Variants in TCTN1 observed in about 807,000 individuals in gnomAD.
The protein encoded by TCTN1 is tectonic family member 1.
TCTN1 carries 58 observed loss-of-function variants against 65.8 expected under a neutral mutation model. That is an observed-to-expected ratio of 0.88 (90% confidence interval 0.71 to 1.10). TCTN1 has a LOEUF of 1.10. Among genes scored for constraint, TCTN1 ranks in the 50% least tolerant of loss-of-function variants. The pLI is 0.00. For missense variants in TCTN1, 645 were observed against 719.4 expected (o/e 0.90, Z 1.18); for synonymous variants, 273 against 289.1 (o/e 0.94, Z 0.57).
At chr12:110,648,884 G>A in intron 14 of TCTN1, 159 bp from the exon 15 acceptor site, 1 of 389,066 alleles carries the variant, frequency 2.6e-6, no homozygotes, top group South Asian at 1.9e-5. Context: ...AAACAATGGA[G>A]CCACCTAGAA....
In TCTN1 at chr12:110,631,407, G is replaced by A. The variant is rs190106253; in HGVS notation, c.625-1065G>A. The stretch of plus-strand genomic sequence containing the variant: ...CCAGCACTTTGGGAGGCCGAGGCGG[G>A]CAAATCACTTGAGGTCAGGAGTTCC... On this transcript the variant is annotated intron_variant, in intron 4 of 14. Transcript: ENST00000397659. Among the ~76,000 whole-genome samples, 4 of 151,960 alleles carry A rather than the reference G, an allele frequency of 2.6e-5. No homozygotes were observed. In the East Asian group the frequency reaches 7.9e-4, roughly 30 times the overall value.
intron 1 of TCTN1, among the ~76,000 whole-genome samples, chr12:110,615,929 C>A (rs760981838): frequency 6.6e-6 from 1 of 152,076 alleles, no homozygotes; most frequent in Non-Finnish European, 1.5e-5. Flanking sequence ...TTCTGAATTA[C>A]GAGTAATCTG....
At chr12:110,641,674 G>A (rs1358616521) in intron 10 of TCTN1, 47 bp downstream of exon 10, 1 of 1,557,148 alleles carries the variant, frequency 6.4e-7, no homozygotes, top group Non-Finnish European at 8.9e-7. Flanking sequence ...CTCTCTCCAT[G>A]TGCGTGGGCT....
At chr12:110,635,503 C>T (rs1029107666) in intron 6 of TCTN1, among the ~76,000 whole-genome samples, 1 of 152,146 alleles carries the variant, frequency 6.6e-6, no homozygotes, top group South Asian at 2.1e-4. Flanking sequence ...CACCTGTGGT[C>T]CCAGCTACTC....
intron 10 of TCTN1, chr12:110,641,927 C>G (rs1158522766): frequency 1.9e-6 from 1 of 540,104 alleles, no homozygotes; most frequent in Non-Finnish European, 3.3e-6. Flanking sequence ...CAGTGTTTTA[C>G]AACGAAAATC....
At chr12:110,618,265 G>A (rs982345834) in intron 1 of TCTN1, among the ~76,000 whole-genome samples, 2 of 151,612 alleles carry the variant, frequency 1.3e-5, no homozygotes, top group African/African-American at 4.8e-5. Flanking sequence ...TTTTGAGATG[G>A]AGTCTCGCTC....
At position 110,629,305 on chromosome 12, in the gene TCTN1, G is replaced by A. The variant is rs139163173; in HGVS notation, c.624+387G>A. On this transcript the variant is annotated intron_variant, in intron 4 of 14. Transcript: ENST00000397659. ...AAAAGAAACTATCATCAGAGTGAACGTGTGACCTACAGAATGGGAAAAAAT... is the reference window on the plus strand; with the variant it reads ...AAAAGAAACTATCATCAGAGTGAACATGTGACCTACAGAATGGGAAAAAAT... 8.6e-3 allele frequency: 2,152 copies of A among 250,544 alleles called. 120 individuals carry two copies. The Admixed American group carries it at 0.091, about 11-fold the overall frequency. The allele number at this position is 250,544 out of a possible 1,614,324, so 15.5% of individuals were successfully genotyped here.
At chr12:110,622,376 A>G (rs924360975) in intron 2 of TCTN1, among the ~76,000 whole-genome samples, 3 of 152,128 alleles carry the variant, frequency 2.0e-5, no homozygotes, top group African/African-American at 4.8e-5. Flanking sequence ...CACCAGGGAC[A>G]TAAAGATGAG....
Position 110,642,344 on chromosome 12 carries a change from C to T in TCTN1, c.1286C>T (p.Thr429Ile). The T allele has an allele frequency of 6.2e-7, 1 of 1,614,168 alleles. No individual in the cohort carries two copies. The highest frequency in any genetic ancestry group is 8.5e-7 in the Non-Finnish European group (1 of 1,180,030). ...TGCTTAGCACTGGAGGGGGTCCGGA[C>T]CCCAGTATTATTTGGTTACACTATG... is the stretch of plus-strand genomic sequence containing the variant. ...QDCLALEGVR[T>I]PVLFGYTMQS... Residue 429 changes from threonine (T) to isoleucine (I), a missense_variant, in exon 11 of 15, where the codon ACC becomes ATC. Physicochemically the swap from Thr to Ile is moderately conservative, Grantham distance 89 (BLOSUM62 -1). Coordinates refer to ENST00000397659, the MANE Select transcript of TCTN1 (RefSeq NM_001082538.3).
At chr12:110,627,854 TTTA>T (rs2065962126) in intron 3 of TCTN1, 1 of 611,442 alleles carries the variant, frequency 1.6e-6, no homozygotes, top group Non-Finnish European at 2.9e-6. Flanking sequence ...CGTTTATGCT[TTTA>T]TTTGTCAAAT....
At chr12:110,621,383 G>A (rs143113817) in intron 2 of TCTN1, among the ~76,000 whole-genome samples, 57 of 152,200 alleles carry the variant, frequency 3.7e-4, no homozygotes, top group African/African-American at 1.3e-3. Context: ...CTGGCCTGTA[G>A]CATGTTTCAG....
intron 2 of TCTN1, 90 bp downstream of exon 2, chr12:110,620,046 A>C (rs1593226172): frequency 6.3e-7 from 1 of 1,581,124 alleles, no homozygotes; most frequent in African/African-American, 1.3e-5. Context: ...AGGCTTAAAA[A>C]CCCAAACCTG....
At chr12:110,642,108 C>A in intron 10 of TCTN1, 141 bp from the exon 11 acceptor site, 1 of 1,098,156 alleles carries the variant, frequency 9.1e-7, no homozygotes. Context: ...TTGCCTGCTC[C>A]TGGGAAATAG....
intron 2 of TCTN1, among the ~76,000 whole-genome samples, chr12:110,621,915 A>T (rs2065458027): frequency 6.6e-6 from 1 of 151,724 alleles, no homozygotes; most frequent in Non-Finnish European, 1.5e-5. Flanking sequence ...AGGCATGTAG[A>T]TCACTTGAGG....
intron 2 of TCTN1, among the ~76,000 whole-genome samples, chr12:110,620,371 G>A (rs2065339094): frequency 6.6e-6 from 1 of 151,708 alleles, no homozygotes; most frequent in South Asian, 2.1e-4. Context: ...TTGCGCTACT[G>A]CACTCTAGCC....
At chr12:110,622,875 GT>G (rs2065539195) in intron 2 of TCTN1, among the ~76,000 whole-genome samples, 1 of 152,194 alleles carries the variant, frequency 6.6e-6, no homozygotes, top group Non-Finnish European at 1.5e-5. Context: ...AGAGAACCAA[GT>G]AAAAAGCTAT....
intron 3 of TCTN1, among the ~76,000 whole-genome samples, chr12:110,626,730 C>T (rs1163662466): frequency 6.6e-6 from 1 of 150,698 alleles, no homozygotes; most frequent in Non-Finnish European, 1.5e-5. Flanking sequence ...CAGGTGCCTG[C>T]CACCATGCCT....
rs1593342646 is a variant in TCTN1, at chr12:110,639,240, A to G, written c.844-1143A>G. ...TAAGAATTGAAGTTTAGAGCAAATG[A>G]CAGATTCATCCTATAGTACGAGGAG... is the stretch of plus-strand genomic sequence containing the variant. On this transcript the variant is annotated intron_variant, in intron 7 of 14. Coordinates refer to ENST00000397659, the MANE Select transcript of TCTN1 (RefSeq NM_001082538.3). This position sits in a 1 kb window ranked among gnomAD's most constrained non-coding sequence, Gnocchi z 4.9. Among the ~76,000 whole-genome samples, 6 of 152,250 alleles carry G rather than the reference A, an allele frequency of 3.9e-5. No individual in the cohort carries two copies. The South Asian group carries it at 1.2e-3, about 32-fold the overall frequency.
At position 110,644,342 on chromosome 12, in the gene TCTN1, A is replaced by C. The variant is rs1464646428; in HGVS notation, c.1332-625A>C. 6.4e-6 allele frequency: 1 copy of C among 157,394 alleles called. No individual in the cohort carries two copies. Among genetic ancestry groups the C allele is most frequent in the Non-Finnish European group, 1.4e-5 (1 of 71,216 alleles). 9.7% of individuals were successfully genotyped at this position (157,394 alleles called of 1,614,324 possible). On this transcript the variant is annotated intron_variant, in intron 11 of 14. Coordinates refer to ENST00000397659, the MANE Select transcript of TCTN1 (RefSeq NM_001082538.3). The surrounding 1 kb of genome is among the most constrained non-coding windows in gnomAD (Gnocchi z 4.6). ...TTTAGCTTCTGTCAGATAATCCCTC[A>C]TTTGGAGAATGAGAAGATAATGAAA...
Sources: gnomAD v4.1 joint callset for allele counts (sites outside exome capture counted in the v4.1 genomes callset) on GRCh38, gnomAD v4.1.1 for gene constraint, Gnocchi (gnomAD v3.1) non-coding constraint, MANE v1.5 for transcripts, NCBI Gene and HGNC (gene_info 2026-07-23, HGNC 2026-07-21) for gene names.